The following SLC12A9 variants were observed in gnomAD, a reference collection of about 807,000 sequenced individuals.
SLC12A9 encodes the protein CCC-interacting protein 1.
Under a neutral mutation model 66.0 loss-of-function variants are expected in SLC12A9, and 55 were observed. The ratio of observed to expected loss-of-function variants is 0.83; its 90% CI spans 0.67 to 1.04. SLC12A9 has a LOEUF of 1.04. Ranked by LOEUF, SLC12A9 falls within the 50% of genes least tolerant of loss-of-function variation. SLC12A9 has a pLI of 0.00. For synonymous variants in SLC12A9, 577 were observed against 569.0 expected (o/e 1.01, Z -0.20); for missense variants, 1,061 against 1,241.9 (o/e 0.85, Z 2.19).
chr7:100,844,786 A>T (rs1813870860), intron 1 of SLC12A9, among the ~76,000 whole-genome samples: 1 of 152,176 alleles, frequency 6.6e-6, no homozygotes, highest in African/African-American at 2.4e-5. Flanking sequence ...TGGATCCTCG[A>T]GTAAATATCT....
chr7:100,866,432 G>A lies in SLC12A9; in HGVS notation c.2572G>A (p.Gly858Ser), dbSNP rs1232019539. The stretch of plus-strand genomic sequence containing the variant: ...AGGAGGAGGGCCGGGTGGGCCGGAG[G>A]GTGGGGATGCTGAGGGCCCCATCAC... ...GTGGGPGGPE[G>S]GDAEGPITAL... Residue 858 changes from glycine (G) to serine (S), a missense_variant, in exon 14 of 14, where the codon GGT (glycine) becomes AGT (serine). Gly to Ser is a moderately conservative substitution (Grantham distance 56). Transcript: ENST00000354161. The surrounding 1 kb of genome is among the most constrained non-coding windows in gnomAD (Gnocchi z 7.3). 6.5e-7 allele frequency: 1 copy of A among 1,548,430 alleles called. No homozygotes were observed. The highest frequency in any genetic ancestry group is 8.7e-7 in the Non-Finnish European group (1 of 1,146,032).
In SLC12A9 at chr7:100,858,721, G is replaced by T. The variant is rs1008901505; in HGVS notation, c.758-114G>T. 3.2e-6 allele frequency: 3 copies of T among 930,960 alleles called. No homozygotes were observed. In the East Asian group the frequency reaches 7.8e-5, roughly 24 times the overall value. The allele number at this position is 930,960 out of a possible 1,614,324, so 57.7% of individuals were successfully genotyped here. A position where few individuals can be genotyped will look rare whatever the true frequency, so the allele number is the denominator to read the frequency against. On this transcript the variant is annotated intron_variant, in intron 5 of 13. Transcript: ENST00000354161. The stretch of plus-strand genomic sequence containing the variant: ...CAGGAACAGGCTGGGGTCTTAGTGA[G>T]GGCAGTGCAGGGGAGGCAAGAGGAC...
rs906587273 is a variant in SLC12A9 at position 100,866,647 on chromosome 7, C to T, written c.*42C>T. On this transcript the variant is annotated 3_prime_UTR_variant, in exon 14 of 14. Transcript: ENST00000354161. The surrounding 1 kb of genome is among the most constrained non-coding windows in gnomAD (Gnocchi z 7.3). ...GCTAGGTAGAGAGGGCCCAGGCAGG[C>T]GGCCTATCCTGATCCTTGGAGGAGG... The T allele has an allele frequency of 1.4e-5, 21 of 1,466,516 alleles. No individual in the cohort carries two copies. The highest frequency in any genetic ancestry group is 6.9e-5 in the South Asian group (5 of 72,618). The allele number at this position is 1,466,516 out of a possible 1,614,324, so 90.8% of individuals were successfully genotyped here.
intron 1 of SLC12A9, among the ~76,000 whole-genome samples, chr7:100,841,603 A>G (rs1813792107): frequency 6.6e-6 from 1 of 152,206 alleles, no homozygotes; most frequent in Non-Finnish European, 1.5e-5. Flanking sequence ...AGCAAAAATT[A>G]TAAAAAGTTA....
chr7:100,860,019 C>T lies in SLC12A9; in HGVS notation c.1112C>T (p.Ala371Val). 1 of 1,614,032 alleles carries T rather than the reference C, an allele frequency of 6.2e-7. No individual in the cohort carries two copies. The highest frequency in any genetic ancestry group is 8.5e-7 in the Non-Finnish European group (1 of 1,179,922). Residue 371 changes from alanine to valine, a missense_variant, in exon 8 of 14, where the codon GCC becomes GTC. Physicochemically the swap from Ala to Val is moderately conservative, Grantham distance 64. Coordinates refer to ENST00000354161, the MANE Select transcript of SLC12A9 (RefSeq NM_020246.4). ...ATTGGTGCCTCCCGCATCCTCCATG[C>T]CCTGGCCCGGGATGACCTCTTTGGT... ...SLIGASRILH[A>V]LARDDLFGVI...
intron 1 of SLC12A9, among the ~76,000 whole-genome samples, chr7:100,831,249 C>T (rs931630455): frequency 6.6e-6 from 1 of 152,152 alleles, no homozygotes; most frequent in Non-Finnish European, 1.5e-5. Flanking sequence ...TGCAAAGGTG[C>T]GATCTCGGCT....
rs752012082 is a variant in SLC12A9 at position 100,857,077 on chromosome 7, C to T, written c.658C>T (p.Arg220Cys). The T allele has an allele frequency of 1.1e-5, 18 of 1,614,086 alleles. No homozygotes were observed. Among genetic ancestry groups the T allele is most frequent in the African/African-American group, 5.3e-5 (4 of 74,928 alleles). The change falls in exon 5 of 14, where the codon CGC becomes TGC. Residue 220 changes from arginine to cysteine, a missense_variant. Transcript: ENST00000354161. Reference protein sequence around the residue: ...SFVAVGPRDIRLTPRPGPNGS... With the variant: ...SFVAVGPRDICLTPRPGPNGS... ...TGTGGCTGTGGGGCCGAGGGACATC[C>T]GCTTGACTCCTAGGCCTGGCCCCAA...
intron 7 of SLC12A9, 49 bp from the exon 8 acceptor site, chr7:100,859,836 T>A (rs557460132): frequency 6.4e-7 from 1 of 1,559,650 alleles, no homozygotes; most frequent in Admixed American, 1.8e-5. Flanking sequence ...GGAGATTTTC[T>A]TACCCCGTGA....
At chr7:100,827,100 C>T in intron 1 of SLC12A9, 1 of 1,509,808 alleles carries the variant, frequency 6.6e-7, no homozygotes, top group East Asian at 2.5e-5. Context: ...TCTGACTCTC[C>T]CTGGGCGGGT....
chr7:100,848,885 C>CA (rs1055822006), upstream of SLC12A9, among the ~76,000 whole-genome samples: 9 of 135,198 alleles, frequency 6.7e-5, no homozygotes, highest in African/African-American at 1.9e-4. Context: ...GACTCCATCT[C>CA]AAAAAAAAGG....
intron 1 of SLC12A9, among the ~76,000 whole-genome samples, chr7:100,844,078 A>G (rs1813847190): frequency 6.6e-6 from 1 of 152,124 alleles, no homozygotes; most frequent in Non-Finnish European, 1.5e-5. Context: ...TCATCGCAGG[A>G]CTCATTTGCC....
In SLC12A9 at chr7:100,857,267, G is replaced by T; in HGVS notation, c.757+91G>T. On this transcript the variant is annotated intron_variant, in intron 5 of 13. Transcript: ENST00000354161. ...GTAAAACCTCTGGATGAGCACAGGT[G>T]TCAGAGGGAATGGAGGGCAGGAGGT... 1.7e-5 allele frequency: 23 copies of T among 1,383,932 alleles called. 1 individual carries two copies. The South Asian group carries it at 3.0e-4, about 18-fold the overall frequency. 85.7% of individuals were successfully genotyped at this position (1,383,932 alleles called of 1,614,324 possible).
chr7:100,861,971 T>A lies in SLC12A9; in HGVS notation c.1711+60T>A. 1 of 1,480,366 alleles carries A rather than the reference T, an allele frequency of 6.8e-7. No individual in the cohort carries two copies. Among genetic ancestry groups the A allele is most frequent in the Non-Finnish European group, 9.0e-7 (1 of 1,113,872 alleles). 91.7% of individuals were successfully genotyped at this position (1,480,366 alleles called of 1,614,324 possible). A position where few individuals can be genotyped will look rare whatever the true frequency, so the allele number is the denominator to read the frequency against. ...TCCTTCTCTCCCCCTACCTTTTTTT[T>A]TTTTTTGAGATGGAGCTTCGTTCTG... On this transcript the variant is annotated intron_variant, in intron 12 of 13. Transcript: ENST00000354161. This position sits in a 1 kb window ranked among gnomAD's most constrained non-coding sequence, Gnocchi z 5.3.
exon 1 of SLC12A9, chr7:100,826,900 C>T (rs1049749267): frequency 6.7e-7 from 1 of 1,495,718 alleles, no homozygotes; most frequent in Non-Finnish European, 9.0e-7. Context: ...AGAGGCCGGC[C>T]CCTCCACTCC....
intron 1 of SLC12A9, chr7:100,827,654 G>T (rs1813451636): frequency 6.6e-6 from 1 of 152,250 alleles, no homozygotes; most frequent in Admixed American, 6.5e-5. Context: ...ATTCATGAGG[G>T]AAGCGGAGAG....
intron 1 of SLC12A9, among the ~76,000 whole-genome samples, chr7:100,833,783 A>C (rs1291790159): frequency 1.3e-5 from 2 of 151,816 alleles, no homozygotes; most frequent in Admixed American, 1.3e-4. Flanking sequence ...AAATACAAAA[A>C]TTAGCCGGGT....
At chr7:100,833,838 C>T (rs1204448797) in intron 1 of SLC12A9, among the ~76,000 whole-genome samples, 2 of 143,720 alleles carry the variant, frequency 1.4e-5, no homozygotes, top group East Asian at 2.0e-4. Context: ...GAGGCTGAGG[C>T]AGGAGAATGG....
chr7:100,845,183 A>G (rs973123736), intron 1 of SLC12A9, among the ~76,000 whole-genome samples: 1 of 150,780 alleles, frequency 6.6e-6, no homozygotes, highest in Non-Finnish European at 1.5e-5. Context: ...ACAGAGAAAA[A>G]TCCATTCACT....
chr7:100,854,387 G>A lies in SLC12A9; in HGVS notation c.181+9G>A. On this transcript the variant is annotated intron_variant, in intron 2 of 13. Coordinates refer to ENST00000354161, the MANE Select transcript of SLC12A9 (RefSeq NM_020246.4). ...TGTTTTTCTGAGGATTGGTGAGTGG[G>A]TCCTGGGGCGGGTGTGGACTGACTA... 2 of 1,612,614 alleles carry A rather than the reference G, an allele frequency of 1.2e-6. No individual in the cohort carries two copies. The highest frequency in any genetic ancestry group is 1.7e-6 in the Non-Finnish European group (2 of 1,179,646).
Sources: gnomAD v4.1 joint callset for allele counts (sites outside exome capture counted in the v4.1 genomes callset) on GRCh38, gnomAD v4.1.1 for gene constraint, Gnocchi (gnomAD v3.1) non-coding constraint, MANE v1.5 for transcripts, NCBI Gene and HGNC (gene_info 2026-07-23, HGNC 2026-07-21) for gene names.